SPOCK3: variants seen among roughly 807,000 people sequenced by gnomAD.
The protein encoded by SPOCK3 is SPARC (osteonectin), cwcv and kazal like domains proteoglycan 3, also known as testican-3.
SPOCK3 carries 30 observed loss-of-function variants against 56.6 expected under a neutral mutation model. The ratio of observed to expected loss-of-function variants is 0.53; its 90% CI spans 0.40 to 0.72. The LOEUF is 0.72. Among genes scored for constraint, SPOCK3 ranks in the 30% least tolerant of loss-of-function variants. The pLI is 0.00. For missense variants in SPOCK3, 527 were observed against 530.0 expected, an observed-to-expected ratio of 0.99 and a Z score of 0.06; for synonymous variants, 196 against 183.3, an observed-to-expected ratio of 1.07 and a Z score of -0.56.
intron 7 of SPOCK3, among the ~76,000 whole-genome samples, chr4:166,790,091 T>A (rs1741172144): frequency 6.6e-6 from 1 of 152,164 alleles, no homozygotes; most frequent in Admixed American, 6.5e-5. Flanking sequence ...ATTGCTTCTT[T>A]GCTTCATTCA....
intron 2 of SPOCK3, among the ~76,000 whole-genome samples, chr4:167,199,936 C>T (rs567914240): frequency 6.6e-6 from 1 of 151,046 alleles, no homozygotes; most frequent in African/African-American, 2.4e-5. Context: ...ATGAAAAAAA[C>T]CCATGAATAA....
intron 4 of SPOCK3, among the ~76,000 whole-genome samples, chr4:166,953,126 C>T (rs1279691902): frequency 6.6e-6 from 1 of 151,600 alleles, no homozygotes; most frequent in African/African-American, 2.4e-5. Flanking sequence ...GCAAAAGAAA[C>T]TACCATCAGA....
intron 2 of SPOCK3, among the ~76,000 whole-genome samples, chr4:167,099,180 C>T (rs1202940569): frequency 6.6e-6 from 1 of 151,574 alleles, no homozygotes; most frequent in Non-Finnish European, 1.5e-5. Flanking sequence ...TTAATATATA[C>T]AATTATATTT....
chr4:167,117,110 G>A (rs1024322061), intron 2 of SPOCK3, among the ~76,000 whole-genome samples: 6 of 151,322 alleles, frequency 4.0e-5, no homozygotes, highest in Non-Finnish European at 7.4e-5. Context: ...AATGATGAAG[G>A]TTTGAGATGA....
chr4:166,777,547 G>A (rs1739699871), intron 7 of SPOCK3, among the ~76,000 whole-genome samples: 1 of 152,072 alleles, frequency 6.6e-6, no homozygotes, highest in East Asian at 1.9e-4. Context: ...GAGGCAAGGT[G>A]GCAGGATCAC....
rs150256194 is a variant in SPOCK3 at position 167,055,632 on chromosome 4, G to A, written c.235+6860C>T. On this transcript the variant is annotated intron_variant, in intron 3 of 10. Coordinates refer to ENST00000357545, the MANE Select transcript of SPOCK3 (RefSeq NM_001040159.2). ...CGCTTTTCCAACGGGCTTAAAATAC[G>A]GTGCACCAGGAGATTATATCCCGCA... Among the ~76,000 whole-genome samples the A allele has an allele frequency of 6.9e-3, 1,052 of 152,272 alleles. 12 individuals are homozygous for A. The highest frequency in any genetic ancestry group is 0.024 in the African/African-American group (1,001 of 41,564).
intron 6 of SPOCK3, among the ~76,000 whole-genome samples, chr4:166,820,279 C>T (rs1186300424): frequency 6.6e-6 from 1 of 151,940 alleles, no homozygotes; most frequent in Non-Finnish European, 1.5e-5. Flanking sequence ...ATTCCATGTA[C>T]ATATATCAAA....
At chr4:166,928,858 C>T (rs1160329296) in intron 4 of SPOCK3, among the ~76,000 whole-genome samples, 1 of 152,074 alleles carries the variant, frequency 6.6e-6, no homozygotes, top group South Asian at 2.1e-4. Context: ...ATCCCAGCTA[C>T]TCAGGAGACT....
At chr4:166,930,522 T>C (rs991098852) in intron 4 of SPOCK3, among the ~76,000 whole-genome samples, 1 of 151,168 alleles carries the variant, frequency 6.6e-6, no homozygotes, top group Non-Finnish European at 1.5e-5. Context: ...CACAGTTCAA[T>C]GGACAACTCT....
intron 2 of SPOCK3, among the ~76,000 whole-genome samples, chr4:167,135,394 T>C (rs1339817632): frequency 6.6e-6 from 1 of 152,146 alleles, no homozygotes; most frequent in Non-Finnish European, 1.5e-5. Flanking sequence ...CCATTTTTAA[T>C]AGAAAGTGCA....
chr4:166,867,265 TAATG>T (rs1163037977), intron 6 of SPOCK3, among the ~76,000 whole-genome samples: 3 of 152,008 alleles, frequency 2.0e-5, no homozygotes, highest in Non-Finnish European at 2.9e-5. Context: ...ATAAAGATAA[TAATG>T]ATAATAATTT....
chr4:167,104,386 C>T (rs1013794004), intron 2 of SPOCK3, among the ~76,000 whole-genome samples: 2 of 151,762 alleles, frequency 1.3e-5, no homozygotes, highest in African/African-American at 4.8e-5. Context: ...ATGAAGAGAT[C>T]GAAGTAATTA....
intron 4 of SPOCK3, among the ~76,000 whole-genome samples, chr4:166,930,134 C>T (rs1739569613): frequency 6.6e-6 from 1 of 151,916 alleles, no homozygotes; most frequent in Non-Finnish European, 1.5e-5. Flanking sequence ...ATATAATCGA[C>T]TGACTTTGTT....
chr4:166,990,807 C>A (rs1035322632), intron 4 of SPOCK3, among the ~76,000 whole-genome samples: 1 of 151,832 alleles, frequency 6.6e-6, no homozygotes, highest in African/African-American at 2.4e-5. Flanking sequence ...CACTGGAAAT[C>A]ACATTATTAA....
At chr4:167,208,315 A>T (rs1734548146) in intron 2 of SPOCK3, among the ~76,000 whole-genome samples, 1 of 152,170 alleles carries the variant, frequency 6.6e-6, no homozygotes, top group South Asian at 2.1e-4. Flanking sequence ...AATTATTTGT[A>T]GTTTGCTATT....
At chr4:167,170,407 G>C (rs1730397940) in intron 2 of SPOCK3, among the ~76,000 whole-genome samples, 1 of 152,138 alleles carries the variant, frequency 6.6e-6, no homozygotes. Flanking sequence ...AATAATATTT[G>C]CTATATGGCC....
chr4:166,939,751 G>A (rs1740840251), intron 4 of SPOCK3, among the ~76,000 whole-genome samples: 1 of 152,134 alleles, frequency 6.6e-6, no homozygotes, highest in Admixed American at 6.5e-5. Flanking sequence ...CCAGAGTCTT[G>A]ATCATAACAC....
At chr4:167,115,281 G>A (rs530947256) in intron 2 of SPOCK3, among the ~76,000 whole-genome samples, 3 of 148,658 alleles carry the variant, frequency 2.0e-5, no homozygotes, top group South Asian at 4.2e-4. Context: ...TGTATGTCCC[G>A]CAAAGTAAAA....
chr4:167,045,964 T>C (rs1306248996), intron 3 of SPOCK3, among the ~76,000 whole-genome samples: 3 of 152,216 alleles, frequency 2.0e-5, no homozygotes, highest in Non-Finnish European at 4.4e-5. Context: ...GAAGAACTTC[T>C]TTTAATATTT....
Sources: allele counts gnomAD v4.1 joint callset (sites outside exome capture counted in the v4.1 genomes callset), GRCh38; gene constraint gnomAD v4.1.1; transcripts MANE v1.5; gene names NCBI Gene and HGNC (gene_info 2026-07-23, HGNC 2026-07-21).